STAT5A: variants seen among roughly 807,000 people sequenced by gnomAD.
The protein encoded by STAT5A is signal transducer and activator of transcription 5A.
A neutral mutation model predicts 100.2 loss-of-function variants in STAT5A; 26 were observed. That is an observed-to-expected ratio of 0.26 (90% confidence interval 0.19 to 0.36). STAT5A has a LOEUF of 0.36. STAT5A is among the 10% of genes least tolerant of loss of function. The pLI is 1.00. For synonymous variants in STAT5A, 330 were observed against 424.3 expected (o/e 0.78, Z 2.73); for missense variants, 634 against 1,027.5 (o/e 0.62, Z 5.24).
At chr17:42,298,261 A>G (rs1040433066) in intron 5 of STAT5A, among the ~76,000 whole-genome samples, 9 of 151,796 alleles carry the variant, frequency 5.9e-5, no homozygotes, top group Non-Finnish European at 1.2e-4. Context: ...CCCGGGTTCA[A>G]GCAATTCTCC....
At chr17:42,294,645 T>A (rs1567688054) in intron 4 of STAT5A, among the ~76,000 whole-genome samples, 1 of 152,228 alleles carries the variant, frequency 6.6e-6, no homozygotes, top group Non-Finnish European at 1.5e-5. Flanking sequence ...GATGCCAGAA[T>A]GTTCCAGACT....
chr17:42,297,237 A>T (rs1370622188), intron 5 of STAT5A, among the ~76,000 whole-genome samples: 1 of 152,120 alleles, frequency 6.6e-6, no homozygotes, highest in Non-Finnish European at 1.5e-5. Flanking sequence ...GTGCCCAGCC[A>T]ATACTGACAG....
intron 15 of STAT5A, 48 bp downstream of exon 15, chr17:42,307,771 G>T (rs1403000351): frequency 6.3e-7 from 1 of 1,594,608 alleles, no homozygotes; most frequent in Non-Finnish European, 8.6e-7. Flanking sequence ...CCGGTCTCTT[G>T]TTCCCTTGCC....
Position 42,310,558 on chromosome 17 carries a change from G to A in STAT5A, c.2274G>A (p.Met758Ile). 1.2e-6 allele frequency: 2 copies of A among 1,614,234 alleles called. No homozygotes were observed. Among genetic ancestry groups the A allele is most frequent in the Middle Eastern group, 1.6e-4 (1 of 6,062 alleles). The stretch of plus-strand genomic sequence containing the variant: ...GAGAATTCGACCTGGATGAGACCAT[G>A]GATGTGGCCAGGCACGTGGAGGAAC... ...QDGEFDLDET[M>I]DVARHVEELL... Residue 758 changes from methionine to isoleucine, a missense_variant, in exon 19 of 19, where the codon ATG becomes ATA. Physicochemically the swap from Met to Ile is conservative, Grantham distance 10 (BLOSUM62 1). This residue lies in a region of STAT5A where 88 missense variants were observed against 95.1 expected (regional missense o/e 0.92). Transcript: ENST00000590949.
At chr17:42,296,307 A>G (rs964556793) in intron 5 of STAT5A, among the ~76,000 whole-genome samples, 1 of 152,134 alleles carries the variant, frequency 6.6e-6, no homozygotes, top group Non-Finnish European at 1.5e-5. Flanking sequence ...AGCCTCACGG[A>G]TAGGATGTGG....
At chr17:42,292,785 C>A (rs2080883409) in intron 4 of STAT5A, among the ~76,000 whole-genome samples, 1 of 152,052 alleles carries the variant, frequency 6.6e-6, no homozygotes, top group South Asian at 2.1e-4. Context: ...CACCACCATG[C>A]CCGGCTAATT....
At position 42,301,269 on chromosome 17, in the gene STAT5A, A is replaced by C. The variant is rs752075520; in HGVS notation, c.990-6A>C. On this transcript the variant is annotated splice_polypyrimidine_tract_variant and splice_region_variant and intron_variant, in intron 8 of 18. Coordinates refer to ENST00000590949, the MANE Select transcript of STAT5A (RefSeq NM_001288718.2). ...CATCGTGTGTCTGTCCCTGTGTCCCATGCAGCACATTCATCATTGAGAAGC... is the reference window on the plus strand; with the variant it reads ...CATCGTGTGTCTGTCCCTGTGTCCCCTGCAGCACATTCATCATTGAGAAGC... The C allele has an allele frequency of 1.3e-5, 21 of 1,612,920 alleles. No individual in the cohort carries two copies. Among genetic ancestry groups the C allele is most frequent in the Non-Finnish European group, 1.6e-5 (19 of 1,179,444 alleles).
Position 42,310,825 on chromosome 17 carries a change from C to G in STAT5A, c.*156C>G, listed in dbSNP as rs1188619731. 2.3e-6 allele frequency: 3 copies of G among 1,307,152 alleles called. No homozygotes were observed. Among genetic ancestry groups the G allele is most frequent in the Admixed American group, 2.2e-5 (1 of 44,950 alleles). 81.0% of individuals were successfully genotyped at this position (1,307,152 alleles called of 1,614,324 possible). A position where few individuals can be genotyped will look rare whatever the true frequency, so the allele number is the denominator to read the frequency against. On this transcript the variant is annotated 3_prime_UTR_variant, in exon 19 of 19. Coordinates refer to ENST00000590949, the MANE Select transcript of STAT5A (RefSeq NM_001288718.2). ...GTCCTTGTGCATGAGCTACGCCTGC[C>G]TCCCCTGTGCAGTCCTGGGATGTGG...
Position 42,310,719 on chromosome 17 carries a change from G to A in STAT5A, c.*50G>A, listed in dbSNP as rs2081072718. The A allele has an allele frequency of 1.9e-6, 3 of 1,610,512 alleles. No individual in the cohort carries two copies. Among genetic ancestry groups the A allele is most frequent in the Non-Finnish European group, 2.5e-6 (3 of 1,177,664 alleles). ...TGGAAACAATATGCAATGTGAAGCG[G>A]TCGTGTTGTGAGTTTAGTAAGGCTG... On this transcript the variant is annotated 3_prime_UTR_variant, in exon 19 of 19. Transcript: ENST00000590949.
At position 42,299,693 on chromosome 17, in the gene STAT5A, T is replaced by C. The variant is rs1010664786; in HGVS notation, c.551-58T>C. ...TCCAGAACAGGTGAGTGGGCTTCTC[T>C]AGGCCTCCTGTTGGACACTAGGAGG... On this transcript the variant is annotated intron_variant, in intron 5 of 18. Coordinates refer to ENST00000590949, the MANE Select transcript of STAT5A (RefSeq NM_001288718.2). The C allele has an allele frequency of 9.3e-6, 15 of 1,613,128 alleles. No individual in the cohort carries two copies. In the African/African-American group the frequency reaches 1.6e-4, roughly 17 times the overall value.
chr17:42,307,534 G>A (rs2081041097), intron 14 of STAT5A, 38 bp downstream of exon 14: 2 of 1,613,974 alleles, frequency 1.2e-6, no homozygotes, highest in Non-Finnish European at 1.7e-6. Flanking sequence ...GGCCAGCTGT[G>A]GGCGCAGAGA....
chr17:42,294,764 G>A (rs535924235), intron 4 of STAT5A, among the ~76,000 whole-genome samples: 26 of 152,316 alleles, frequency 1.7e-4, no homozygotes, highest in Non-Finnish European at 3.4e-4. Context: ...GGTAGGCAGG[G>A]CTATGGCCAG....
At position 42,306,455 on chromosome 17, in the gene STAT5A, G is replaced by T; in HGVS notation, c.1680+8G>T. The T allele has an allele frequency of 6.2e-7, 1 of 1,607,384 alleles. No homozygotes were observed. The highest frequency in any genetic ancestry group is 8.5e-7 in the Non-Finnish European group (1 of 1,176,916). On this transcript the variant is annotated splice_region_variant and intron_variant, in intron 13 of 18. Transcript: ENST00000590949. ...TGGTCCCAGTTCAACAGGGTGAGGG[G>T]CCCAGCTGCCAGCCGCCCACCAGGG...
At chr17:42,299,425 G>A (rs1207320147) in intron 5 of STAT5A, among the ~76,000 whole-genome samples, 3 of 152,202 alleles carry the variant, frequency 2.0e-5, no homozygotes, top group African/African-American at 2.4e-5. Flanking sequence ...CAGACAGCCT[G>A]GACCCATGCT....
At chr17:42,288,101 T>C (rs2144480438), upstream of STAT5A, 1 of 152,342 alleles carries the variant, frequency 6.6e-6, no homozygotes, top group South Asian at 2.1e-4. The surrounding 1 kb of genome is among the most constrained non-coding windows in gnomAD (Gnocchi z 4.8). Context: ...CGTCGCCAAT[T>C]GGTCCACTTT....
Position 42,310,607 on chromosome 17 carries a change from C to CG in STAT5A, c.2323_2324insG (p.Leu775ArgfsTer2). On this transcript the variant is annotated frameshift_variant, in exon 19 of 19. Coordinates refer to ENST00000590949, the MANE Select transcript of STAT5A (RefSeq NM_001288718.2). LOFTEE classifies it low-confidence loss of function (END_TRUNC). ...ACTCTTACGCCGACCAATGGACAGT[C>CG]TTGACTCCCGCCTCTCGCCCCCTGC... 1 of 1,614,216 alleles carries CG rather than the reference C, an allele frequency of 6.2e-7. No individual in the cohort carries two copies. Among genetic ancestry groups the CG allele is most frequent in the South Asian group, 1.1e-5 (1 of 91,086 alleles).
At chr17:42,299,432 T>C (rs576399151) in intron 5 of STAT5A, among the ~76,000 whole-genome samples, 24 of 152,310 alleles carry the variant, frequency 1.6e-4, no homozygotes, top group Non-Finnish European at 2.8e-4. Flanking sequence ...CCTGGACCCA[T>C]GCTGGGACGC....
rs1439661803 is a variant in STAT5A at position 42,311,318 on chromosome 17, TTGAG to T, written c.*654_*657del. ...TCCTTAGCACAGGGGGGCCGCCGGT[TTGAG>T]TGAGGGTTTCTGAGCTGCTCTGAAT... On this transcript the variant is annotated 3_prime_UTR_variant, in exon 19 of 19. Coordinates refer to ENST00000590949, the MANE Select transcript of STAT5A (RefSeq NM_001288718.2). The T allele has an allele frequency of 2.0e-5, 3 of 153,470 alleles. No individual in the cohort carries two copies. The highest frequency in any genetic ancestry group is 7.2e-5 in the African/African-American group (3 of 41,400). 9.5% of individuals were successfully genotyped at this position (153,470 alleles called of 1,614,324 possible).
At chr17:42,305,840 G>C in intron 12 of STAT5A, 138 bp downstream of exon 12, 1 of 864,360 alleles carries the variant, frequency 1.2e-6, no homozygotes, top group Non-Finnish European at 1.7e-6. Context: ...GGCCAGAAGG[G>C]CTGGGGTGCT....
Sources: allele counts gnomAD v4.1 joint callset (sites outside exome capture counted in the v4.1 genomes callset), GRCh38; gene constraint gnomAD v4.1.1; regional missense constraint gnomAD v4.1.1; non-coding constraint Gnocchi (gnomAD v3.1); transcripts MANE v1.5; gene names NCBI Gene and HGNC (gene_info 2026-07-23, HGNC 2026-07-21).